SLF1: variants seen among roughly 807,000 people sequenced by gnomAD.
The protein encoded by SLF1 is SMC5-SMC6 complex localization factor protein 1.
A neutral mutation model predicts 123.0 loss-of-function variants in SLF1; 105 were observed. That is an observed-to-expected ratio of 0.85 (90% CI 0.73 to 1.00). The LOEUF (loss-of-function observed/expected upper bound fraction) is 1.00. Among genes scored for constraint, SLF1 ranks in the 50% least tolerant of loss-of-function variants. SLF1 has a pLI of 0.00. For synonymous variants in SLF1, 434 were observed against 406.6 expected (o/e 1.07, Z -0.81); for missense variants, 1,239 against 1,223.0 (o/e 1.01, Z -0.20).
intron 14 of SLF1, among the ~76,000 whole-genome samples, chr5:94,677,540 A>C (rs577409453): frequency 6.6e-6 from 1 of 152,284 alleles, no homozygotes; most frequent in South Asian, 2.1e-4. Context: ...ATTAATTAGA[A>C]AGAAATTAGA....
rs1255275562 is a variant in SLF1, at chr5:94,657,024, ATATT to A, written c.1155+2277_1155+2280del. On this transcript the variant is annotated intron_variant, in intron 9 of 20. Coordinates refer to ENST00000265140, the MANE Select transcript of SLF1 (RefSeq NM_032290.4). Reference sequence around the variant, plus strand: ...AAATTTATTTATATATCTTTAATAAATATTTATTAATTTATAATTAATCTAAATA... The same window carrying A: ...AAATTTATTTATATATCTTTAATAAATATTAATTTATAATTAATCTAAATA... 6.7e-5 allele frequency among the ~76,000 whole-genome samples: 10 copies of A among 148,900 alleles called. No individual in the cohort carries two copies. The South Asian group carries it at 2.1e-3, about 31-fold the overall frequency.
intron 6 of SLF1, among the ~76,000 whole-genome samples, chr5:94,650,964 G>A (rs1437560754): frequency 1.3e-5 from 2 of 152,106 alleles, no homozygotes; most frequent in African/African-American, 2.4e-5. Flanking sequence ...AAGATAAATG[G>A]AAATCATTAA....
At chr5:94,642,374 A>G (rs528072522) in intron 4 of SLF1, among the ~76,000 whole-genome samples, 2 of 152,282 alleles carry the variant, frequency 1.3e-5, no homozygotes, top group South Asian at 4.1e-4. Context: ...CAGACTTTCA[A>G]CTTTCTAAAC....
intron 12 of SLF1, among the ~76,000 whole-genome samples, chr5:94,669,118 G>A (rs899982197): frequency 6.6e-6 from 1 of 152,158 alleles, no homozygotes; most frequent in Non-Finnish European, 1.5e-5. Flanking sequence ...GCTTAGGGAA[G>A]TGGTAGGAAT....
At chr5:94,656,279 G>T (rs1731616165) in intron 9 of SLF1, among the ~76,000 whole-genome samples, 1 of 151,724 alleles carries the variant, frequency 6.6e-6, no homozygotes, top group Admixed American at 6.6e-5. Context: ...GCATCCTTGG[G>T]ATAAATCATA....
intron 9 of SLF1, among the ~76,000 whole-genome samples, chr5:94,659,526 A>G (rs1394504108): frequency 1.3e-5 from 2 of 152,206 alleles, no homozygotes; most frequent in Non-Finnish European, 2.9e-5. Flanking sequence ...TTGTTTGGAT[A>G]GAGTGCTTTA....
At chr5:94,691,202 AC>A (rs1753020596) in intron 18 of SLF1, 1 of 206,916 alleles carries the variant, frequency 4.8e-6, no homozygotes, top group Non-Finnish European at 9.6e-6. Flanking sequence ...TGCACTCTAA[AC>A]TTTTATTGCT....
chr5:94,671,204 A>G (rs994593413), intron 14 of SLF1, among the ~76,000 whole-genome samples, 196 bp downstream of exon 14: 2 of 151,832 alleles, frequency 1.3e-5, no homozygotes, highest in African/African-American at 2.4e-5. Context: ...TCATGTTTGC[A>G]TGTAGTAGCT....
intron 1 of SLF1, chr5:94,620,122 C>G (rs1425831209): frequency 6.6e-6 from 1 of 152,272 alleles, no homozygotes; most frequent in Non-Finnish European, 1.5e-5. Context: ...TCAAGTGTTC[C>G]GCTCGCCTCG....
intron 16 of SLF1, among the ~76,000 whole-genome samples, chr5:94,688,300 G>T (rs1462690476): frequency 1.3e-5 from 2 of 152,032 alleles, no homozygotes; most frequent in East Asian, 1.9e-4. Context: ...TTTTAAGAAG[G>T]TGTTTTTCTG....
intron 11 of SLF1, among the ~76,000 whole-genome samples, chr5:94,664,736 ATG>A (rs1437760489): frequency 1.3e-5 from 2 of 152,186 alleles, no homozygotes. Flanking sequence ...GAAAAGGAAA[ATG>A]TGTATTCCAT....
rs1298686308 is a variant in SLF1, at chr5:94,670,184, A to G, written c.1566A>G (p.Gln522=). The part of the protein sequence containing the change: ...SCLFNESFCH[Q]ISENIGSKVL... ...TTTTCAATGAAAGCTTTTGTCATCA[A>G]ATTTCAGAAAATATTGGCTCCAAGG... The change falls in exon 13 of 21, where the codon CAA becomes CAG. Residue 522 remains glutamine, a synonymous_variant. Coordinates refer to ENST00000265140, the MANE Select transcript of SLF1 (RefSeq NM_032290.4). 1 of 1,536,204 alleles carries G rather than the reference A, an allele frequency of 6.5e-7. No homozygotes were observed. The highest frequency in any genetic ancestry group is 1.4e-5 in the African/African-American group (1 of 72,194).
At chr5:94,653,855 T>C (rs1325668855) in intron 8 of SLF1, among the ~76,000 whole-genome samples, 1 of 29,488 alleles carries the variant, frequency 3.4e-5, no homozygotes. Context: ...GGAGTATGAC[T>C]TTTTTTTTTT....
intron 5 of SLF1, among the ~76,000 whole-genome samples, chr5:94,648,249 T>C (rs1747290745): frequency 6.6e-6 from 1 of 152,218 alleles, no homozygotes; most frequent in Non-Finnish European, 1.5e-5. Flanking sequence ...TTTTCACCTT[T>C]CTGAGTTGCT....
chr5:94,657,511 T>C (rs1455346122), intron 9 of SLF1, among the ~76,000 whole-genome samples: 3 of 152,104 alleles, frequency 2.0e-5, no homozygotes, highest in Non-Finnish European at 4.4e-5. Flanking sequence ...ATGTGTATTC[T>C]GAAGCTGTTA....
At chr5:94,658,428 TTTGTTG>T (rs35496935) in intron 9 of SLF1, among the ~76,000 whole-genome samples, 6 of 150,492 alleles carry the variant, frequency 4.0e-5, no homozygotes, top group East Asian at 2.0e-4. Flanking sequence ...TTGAGTTGGG[TTTGTTG>T]TTGTTGTTGT....
rs1288388246 is a variant in SLF1, at chr5:94,695,063, C to T, written c.2928C>T (p.Phe976=). The change falls in exon 21 of 21, where the codon TTC becomes TTT. Residue 976 remains phenylalanine (F), a synonymous_variant. Coordinates refer to ENST00000265140, the MANE Select transcript of SLF1 (RefSeq NM_032290.4). The part of the protein sequence containing the change: ...FCSIFDLSSE[F]ILASKGLTHL... ...CAATTTTTGATTTATCTTCAGAGTT[C>T]ATTTTAGCTTCCAAAGGGTTAACTC... is the stretch of plus-strand genomic sequence containing the variant. The T allele has an allele frequency of 6.2e-7, 1 of 1,612,344 alleles. No homozygotes were observed. The highest frequency in any genetic ancestry group is 1.3e-5 in the African/African-American group (1 of 74,798).
rs1749705082 is a variant in SLF1, at chr5:94,665,951, A to T, written c.1459A>T (p.Arg487Ter). The T allele has an allele frequency of 6.4e-7, 1 of 1,551,386 alleles. No homozygotes were observed. The highest frequency in any genetic ancestry group is 8.7e-7 in the Non-Finnish European group (1 of 1,146,676). ...HPPWKSPAMS[R>*]YYLELFQCPT... ...TCCTTGGAAGTCTCCAGCCATGTCG[A>T]GATATTATTTAGAGTTGTTTCAGTG... Residue 487 changes from arginine (R) to a stop codon, truncating the protein, a stop_gained, in exon 12 of 21, where the codon AGA becomes TGA. Coordinates refer to ENST00000265140, the MANE Select transcript of SLF1 (RefSeq NM_032290.4). LOFTEE classifies it high-confidence loss of function.
rs1747446788 is a variant in SLF1 at position 94,649,615 on chromosome 5, A to C, written c.738+18A>C. The stretch of plus-strand genomic sequence containing the variant: ...GAACCCAGGTAAACTTTATAGGCTG[A>C]AAAACATACATTTCTGATGTTTCTT... On this transcript the variant is annotated intron_variant, in intron 6 of 20. Coordinates refer to ENST00000265140, the MANE Select transcript of SLF1 (RefSeq NM_032290.4). 1 of 1,439,466 alleles carries C rather than the reference A, an allele frequency of 6.9e-7. No individual in the cohort carries two copies. The highest frequency in any genetic ancestry group is 1.4e-5 in the African/African-American group (1 of 70,032). The allele number at this position is 1,439,466 out of a possible 1,614,324, so 89.2% of individuals were successfully genotyped here.
Sources: allele counts gnomAD v4.1 joint callset (sites outside exome capture counted in the v4.1 genomes callset), GRCh38; gene constraint gnomAD v4.1.1; transcripts MANE v1.5; gene names NCBI Gene and HGNC (gene_info 2026-07-23, HGNC 2026-07-21).